Variants in CRPPA observed in about 807,000 individuals in gnomAD.
The protein encoded by CRPPA is D-ribitol-5-phosphate cytidylyltransferase.
In CRPPA, 43 loss-of-function variants were observed where a neutral mutation model predicts 52.0. The observed-to-expected ratio is 0.83, with a 90% CI of 0.65 to 1.07. CRPPA has a LOEUF of 1.07. CRPPA is among the 50% of genes least tolerant of loss of function. The pLI is 0.00. For synonymous variants in CRPPA, 250 were observed against 203.5 expected, an observed-to-expected ratio of 1.23 and a Z score of -1.94; for missense variants, 629 against 551.7, an observed-to-expected ratio of 1.14 and a Z score of -1.40.
intron 8 of CRPPA, among the ~76,000 whole-genome samples, chr7:16,243,405 A>C (rs1783181223): frequency 6.6e-6 from 1 of 152,210 alleles, no homozygotes. Context: ...TAGAATTCTG[A>C]GAACTCAATA....
chr7:16,420,398 A>C (rs1365522802), intron 1 of CRPPA, among the ~76,000 whole-genome samples: 1 of 151,936 alleles, frequency 6.6e-6, no homozygotes, highest in African/African-American at 2.4e-5. Context: ...CCTTCATTTC[A>C]CTTCCTCAGC....
At chr7:16,354,982 C>T (rs1283995325) in intron 3 of CRPPA, among the ~76,000 whole-genome samples, 1 of 152,124 alleles carries the variant, frequency 6.6e-6, no homozygotes, top group Non-Finnish European at 1.5e-5. Flanking sequence ...ATACTCCCAA[C>T]TAATCAGCAA....
At chr7:16,374,550 C>A (rs1017131260) in intron 3 of CRPPA, among the ~76,000 whole-genome samples, 4 of 152,186 alleles carry the variant, frequency 2.6e-5, no homozygotes, top group African/African-American at 9.7e-5. Flanking sequence ...GCTCAGCTCC[C>A]AAATGGTCAA....
At chr7:16,140,035 A>G (rs1226125774) in intron 9 of CRPPA, among the ~76,000 whole-genome samples, 1 of 152,192 alleles carries the variant, frequency 6.6e-6, no homozygotes, top group Admixed American at 6.5e-5. Context: ...AGTCAAGTAA[A>G]ATTATTCTTT....
intron 9 of CRPPA, among the ~76,000 whole-genome samples, chr7:16,215,242 A>G (rs982166986): frequency 2.0e-5 from 3 of 152,210 alleles, no homozygotes; most frequent in African/African-American, 7.2e-5. Flanking sequence ...GAGACCACTA[A>G]AAATAGCAGT....
intron 8 of CRPPA, among the ~76,000 whole-genome samples, chr7:16,253,225 T>A (rs1225923532): frequency 6.6e-6 from 1 of 152,240 alleles, no homozygotes; most frequent in Non-Finnish European, 1.5e-5. Context: ...CTTTCCTGCT[T>A]TCTCTTGTGG....
intron 2 of CRPPA, among the ~76,000 whole-genome samples, chr7:16,397,754 T>C (rs1019141879): frequency 2.6e-5 from 4 of 152,124 alleles, no homozygotes; most frequent in African/African-American, 7.2e-5. Context: ...AATGACACGA[T>C]TGGCACGTGA....
intron 9 of CRPPA, among the ~76,000 whole-genome samples, chr7:16,171,697 G>T (rs187457666): frequency 6.6e-6 from 1 of 152,320 alleles, no homozygotes; most frequent in Admixed American, 6.5e-5. Flanking sequence ...GGAGGCTGAG[G>T]CAGGAGAACT....
chr7:16,102,208 A>C (rs780300225), intron 9 of CRPPA, among the ~76,000 whole-genome samples: 3 of 151,992 alleles, frequency 2.0e-5, no homozygotes, highest in Non-Finnish European at 4.4e-5. Flanking sequence ...CAATGGGGAA[A>C]GGATTCCCTA....
chr7:16,274,682 C>G (rs1784165629), intron 6 of CRPPA, among the ~76,000 whole-genome samples: 1 of 151,804 alleles, frequency 6.6e-6, no homozygotes, highest in Non-Finnish European at 1.5e-5. Context: ...GAAGGAAATC[C>G]CTAACTTCAA....
intron 3 of CRPPA, among the ~76,000 whole-genome samples, chr7:16,316,816 C>T (rs909970508): frequency 2.6e-5 from 4 of 152,080 alleles, no homozygotes; most frequent in Non-Finnish European, 5.9e-5. Context: ...ACAATCACAC[C>T]TCTGCATTCC....
At chr7:16,151,643 G>A (rs2128378962) in intron 9 of CRPPA, among the ~76,000 whole-genome samples, 1 of 151,978 alleles carries the variant, frequency 6.6e-6, no homozygotes, top group East Asian at 1.9e-4. Flanking sequence ...ATTTTGAAGT[G>A]TATTTCTTCC....
intron 9 of CRPPA, among the ~76,000 whole-genome samples, chr7:16,177,537 C>T (rs952664080): frequency 6.6e-6 from 1 of 151,710 alleles, no homozygotes; most frequent in South Asian, 2.1e-4. Context: ...ATGTAATAAC[C>T]CAGAGAACAA....
At chr7:16,184,090 C>T (rs558380157) in intron 9 of CRPPA, among the ~76,000 whole-genome samples, 1 of 151,964 alleles carries the variant, frequency 6.6e-6, no homozygotes, top group South Asian at 2.1e-4. Context: ...TACAGGCGCA[C>T]ACCACCACGC....
rs993667720 is a variant in CRPPA at position 16,091,720 on chromosome 7, A to G, written c.1331T>C (p.Leu444Pro). 6.4e-7 allele frequency: 1 copy of G among 1,558,488 alleles called. No individual in the cohort carries two copies. Among genetic ancestry groups the G allele is most frequent in the African/African-American group, 1.4e-5 (1 of 73,748 alleles). ...TCATGCTATCAGAAGCTGACCAATG[A>G]GTCCAGAATTTCTTTCCTTGATTAA... is the stretch of plus-strand genomic sequence containing the variant. ...ASLIKERNSG[L>P]IGQLLIA is the part of the protein sequence containing the mutation. Residue 444 changes from leucine (L) to proline (P), a missense_variant, in exon 10 of 10, where the codon CTC becomes CCC. By Grantham distance (98) the Leu-to-Pro change is moderately conservative (BLOSUM62 -3). Transcript: ENST00000407010.
At chr7:16,399,288 G>C (rs1787722764) in intron 2 of CRPPA, among the ~76,000 whole-genome samples, 1 of 152,170 alleles carries the variant, frequency 6.6e-6, no homozygotes, top group South Asian at 2.1e-4. Flanking sequence ...ACATACGATT[G>C]ACGTGTGATC....
chr7:16,388,151 T>G (rs1787342662), intron 2 of CRPPA, among the ~76,000 whole-genome samples: 2 of 152,024 alleles, frequency 1.3e-5, no homozygotes, highest in Admixed American at 1.3e-4. Context: ...ACCTAGCTAA[T>G]ATTTGATAGA....
chr7:16,262,751 TA>T (rs1451350591), intron 6 of CRPPA, among the ~76,000 whole-genome samples: 1 of 152,152 alleles, frequency 6.6e-6, no homozygotes, highest in African/African-American at 2.4e-5. Context: ...GCTTCTAAGT[TA>T]AAAATAAAAG....
intron 3 of CRPPA, among the ~76,000 whole-genome samples, chr7:16,310,179 C>T (rs568819859): frequency 6.6e-6 from 1 of 152,092 alleles, no homozygotes; most frequent in African/African-American, 2.4e-5. Flanking sequence ...ATAATGATAT[C>T]ATTGATCACA....
Sources: gnomAD v4.1 joint callset for allele counts (sites outside exome capture counted in the v4.1 genomes callset) on GRCh38, gnomAD v4.1.1 for gene constraint, MANE v1.5 for transcripts, NCBI Gene and HGNC (gene_info 2026-07-23, HGNC 2026-07-21) for gene names.